DCC: variants seen among roughly 807,000 people sequenced by gnomAD.
The protein encoded by DCC is netrin receptor DCC.
Under a neutral mutation model 172.5 loss-of-function variants are expected in DCC, and 58 were observed. The observed-to-expected ratio is 0.34, with a 90% confidence interval of 0.27 to 0.42. The LOEUF (loss-of-function observed/expected upper bound fraction) is 0.42, where lower values mean the gene tolerates loss of function less well. Ranked by LOEUF, DCC falls within the 10% of genes least tolerant of loss-of-function variation. DCC has a pLI of 1.00. For missense variants in DCC, 1,740 were observed against 1,791.0 expected, an observed-to-expected ratio of 0.97 and a Z score of 0.51; for synonymous variants, 709 against 644.5, an observed-to-expected ratio of 1.10 and a Z score of -1.52.
chr18:53,511,315 C>T (rs1189068719), intron 27 of DCC, among the ~76,000 whole-genome samples: 2 of 152,196 alleles, frequency 1.3e-5, no homozygotes, highest in African/African-American at 4.8e-5. Flanking sequence ...TTCCTCCCTC[C>T]CTGACTACAA....
At chr18:53,184,536 T>G (rs1440752056) in intron 9 of DCC, among the ~76,000 whole-genome samples, 2 of 152,098 alleles carry the variant, frequency 1.3e-5, no homozygotes, top group Non-Finnish European at 2.9e-5. Flanking sequence ...AGCCTATTGC[T>G]CCTAGGCTGC....
At chr18:52,925,198 T>C (rs778749218) in intron 4 of DCC, 36 bp from the exon 5 acceptor site, 27 of 1,603,050 alleles carry the variant, frequency 1.7e-5, no homozygotes, top group Non-Finnish European at 2.1e-5. Flanking sequence ...TATATACATA[T>C]GTTAATTTAC....
intron 2 of DCC, among the ~76,000 whole-genome samples, chr18:52,852,370 GTTA>G (rs1416869560): frequency 6.6e-6 from 1 of 152,118 alleles, no homozygotes; most frequent in African/African-American, 2.4e-5. Flanking sequence ...TGAGATGATT[GTTA>G]TTTAACTTTC....
intron 1 of DCC, among the ~76,000 whole-genome samples, chr18:52,347,130 C>T (rs1983914523): frequency 6.6e-6 from 1 of 152,146 alleles, no homozygotes; most frequent in South Asian, 2.1e-4. Flanking sequence ...AAAATACCAA[C>T]TGGTTAGTGA....
Position 53,527,090 on chromosome 18 carries a change from CGTGTGTGTGTGTGT to C in DCC, c.4254+364_4254+377del, listed in dbSNP as rs200516080. The stretch of plus-strand genomic sequence containing the variant: ...TATACACATGATATACACATGGATA[CGTGTGTGTGTGTGT>C]GTGTGTGTGTGTGTGTGTGTGTGTG... On this transcript the variant is annotated intron_variant, in intron 28 of 28. Coordinates refer to ENST00000442544, the MANE Select transcript of DCC (RefSeq NM_005215.4). The C allele has an allele frequency of 3.6e-3, 740 of 204,794 alleles. 3 individuals carry two copies. Among genetic ancestry groups the C allele is most frequent in the African/African-American group, 0.016 (621 of 39,702 alleles). The allele number at this position is 204,794 out of a possible 1,614,324, so 12.7% of individuals were successfully genotyped here. A position where few individuals can be genotyped will look rare whatever the true frequency, so the allele number is the denominator to read the frequency against.
At chr18:52,543,397 C>A (rs1289079459) in intron 1 of DCC, among the ~76,000 whole-genome samples, 6 of 152,176 alleles carry the variant, frequency 3.9e-5, no homozygotes, top group African/African-American at 1.4e-4. Context: ...TCAATTTGGG[C>A]TAGCAACATT....
intron 1 of DCC, among the ~76,000 whole-genome samples, chr18:52,355,386 A>G (rs1470177413): frequency 6.6e-6 from 1 of 152,172 alleles, no homozygotes; most frequent in African/African-American, 2.4e-5. Context: ...GTTCCATGAA[A>G]CATATTATGT....
intron 1 of DCC, among the ~76,000 whole-genome samples, chr18:52,465,660 A>T (rs17681071): frequency 1.3e-5 from 2 of 152,034 alleles, no homozygotes; most frequent in African/African-American, 2.4e-5. Context: ...GTCCTAGACC[A>T]CTAGCCTGGA....
intron 12 of DCC, among the ~76,000 whole-genome samples, chr18:53,252,634 C>A (rs1381608471): frequency 6.6e-6 from 1 of 151,888 alleles, no homozygotes; most frequent in Non-Finnish European, 1.5e-5. Context: ...AAGCATCTTT[C>A]TTGTTACTAC....
chr18:53,349,922 C>T (rs1443309554), intron 15 of DCC, among the ~76,000 whole-genome samples: 1 of 152,140 alleles, frequency 6.6e-6, no homozygotes, highest in African/African-American at 2.4e-5. Flanking sequence ...AAGCAATCTT[C>T]TCACTAAAGT....
chr18:53,404,931 C>T (rs1349415091), intron 19 of DCC, among the ~76,000 whole-genome samples: 3 of 151,872 alleles, frequency 2.0e-5, no homozygotes, highest in Non-Finnish European at 2.9e-5. Flanking sequence ...GGAGACAATG[C>T]TTTTGCCTTT....
At chr18:52,523,034 A>G (rs943967498) in intron 1 of DCC, among the ~76,000 whole-genome samples, 38 of 152,180 alleles carry the variant, frequency 2.5e-4, no homozygotes, top group African/African-American at 8.9e-4. Context: ...GTGCAGAAAC[A>G]TTTATCTTTT....
chr18:53,425,704 AATC>A (rs1910890789), intron 21 of DCC, among the ~76,000 whole-genome samples: 1 of 152,094 alleles, frequency 6.6e-6, no homozygotes, highest in South Asian at 2.1e-4. Flanking sequence ...ATAATGCTAA[AATC>A]ATCATCATCA....
At chr18:52,566,843 A>G (rs940735536) in intron 1 of DCC, among the ~76,000 whole-genome samples, 1 of 151,970 alleles carries the variant, frequency 6.6e-6, no homozygotes, top group Non-Finnish European at 1.5e-5. Context: ...CGCTGTAGAA[A>G]TTTGGATTCA....
intron 15 of DCC, among the ~76,000 whole-genome samples, chr18:53,361,100 T>C (rs899995238): frequency 5.9e-5 from 9 of 151,964 alleles, no homozygotes; most frequent in Non-Finnish European, 1.3e-4. Context: ...GGTGGAGAGA[T>C]ACAAGAGGAG....
At chr18:53,507,723 C>G (rs554052174) in intron 27 of DCC, among the ~76,000 whole-genome samples, 79 of 152,244 alleles carry the variant, frequency 5.2e-4, no homozygotes, top group African/African-American at 1.8e-3. Context: ...ATTGCACGTA[C>G]AGACTTATAA....
At chr18:52,672,249 A>C (rs1224032690) in intron 1 of DCC, among the ~76,000 whole-genome samples, 1 of 152,216 alleles carries the variant, frequency 6.6e-6, no homozygotes, top group Non-Finnish European at 1.5e-5. Flanking sequence ...TTTTTAAACG[A>C]ATATTTGTTT....
intron 8 of DCC, among the ~76,000 whole-genome samples, chr18:53,158,728 A>G (rs1172107791): frequency 6.6e-6 from 1 of 152,028 alleles, no homozygotes; most frequent in Non-Finnish European, 1.5e-5. Context: ...AGGTGACTCC[A>G]CGCCTGTAAT....
At position 53,534,948 on chromosome 18, in the gene DCC, T is replaced by C. The variant is rs2046558256; in HGVS notation, c.*4295T>C. ...AGAGCCTTTGTACATTGTCATCCTATGATTGTTGTTGGTAGAAGAGCAAGA... is the reference window on the plus strand; with the variant it reads ...AGAGCCTTTGTACATTGTCATCCTACGATTGTTGTTGGTAGAAGAGCAAGA... On this transcript the variant is annotated 3_prime_UTR_variant, in exon 29 of 29. Coordinates refer to ENST00000442544, the MANE Select transcript of DCC (RefSeq NM_005215.4). The C allele has an allele frequency of 6.6e-6, 1 of 152,220 alleles. No homozygotes were observed. Among genetic ancestry groups the C allele is most frequent in the South Asian group, 2.1e-4 (1 of 4,834 alleles). 9.4% of individuals were successfully genotyped at this position (152,220 alleles called of 1,614,324 possible).
Sources: allele counts gnomAD v4.1 joint callset (sites outside exome capture counted in the v4.1 genomes callset), GRCh38; gene constraint gnomAD v4.1.1; transcripts MANE v1.5; gene names NCBI Gene and HGNC (gene_info 2026-07-23, HGNC 2026-07-21).